The following FLRT2 variants were observed in gnomAD, a reference collection of about 807,000 sequenced individuals.
FLRT2 encodes the protein fibronectin leucine rich transmembrane protein 2.
A neutral mutation model predicts 40.0 loss-of-function variants in FLRT2; 15 were observed. The observed-to-expected ratio is 0.38, with a 90% confidence interval of 0.25 to 0.58. FLRT2 has a LOEUF of 0.58. Ranked by LOEUF, FLRT2 falls within the 20% of genes least tolerant of loss-of-function variation. The pLI is 0.71. For synonymous variants in FLRT2, 380 were observed against 336.8 expected, an observed-to-expected ratio of 1.13 and a Z score of -1.41; for missense variants, 726 against 840.0, an observed-to-expected ratio of 0.86 and a Z score of 1.68.
At chr14:85,553,374 A>G (rs1889760384) in intron 1 of FLRT2, among the ~76,000 whole-genome samples, 1 of 152,134 alleles carries the variant, frequency 6.6e-6, no homozygotes. Context: ...GGGACCATCT[A>G]AGGTAAGGGT....
rs1423680407 is a variant in FLRT2, at chr14:85,649,968, AAAGT to A, written c.*26474_*26477del. ...ATTTTAATAACACAAGAAAGTAAAGAAAGTAATACAAGGAACACTCATGTACACA... is the reference window on the plus strand; with the variant it reads ...ATTTTAATAACACAAGAAAGTAAAGAAATACAAGGAACACTCATGTACACA... On this transcript the variant is annotated 3_prime_UTR_variant, in exon 2 of 2. Coordinates refer to ENST00000330753, the MANE Select transcript of FLRT2 (RefSeq NM_013231.6). 2 of 152,028 alleles carry A rather than the reference AAAGT, an allele frequency of 1.3e-5. No homozygotes were observed. The highest frequency in any genetic ancestry group is 2.9e-5 in the Non-Finnish European group (2 of 67,950). 9.4% of individuals were successfully genotyped at this position (152,028 alleles called of 1,614,324 possible).
chr14:85,594,183 A>G (rs1191324141), intron 1 of FLRT2, among the ~76,000 whole-genome samples: 2 of 152,216 alleles, frequency 1.3e-5, no homozygotes, highest in African/African-American at 4.8e-5. Context: ...TTTTAAATTC[A>G]TTAAAATAAG....
intron 1 of FLRT2, among the ~76,000 whole-genome samples, chr14:85,617,360 C>A (rs1893182257): frequency 6.6e-6 from 1 of 152,016 alleles, no homozygotes; most frequent in African/African-American, 2.4e-5. Context: ...TTTGTTTAAC[C>A]CTGTCAACTG....
At position 85,643,376 on chromosome 14, in the gene FLRT2, T is replaced by TTCCTTCCTTCC. The variant is rs1894212711; in HGVS notation, c.*19880_*19881insCCTTCCTTCCT. On this transcript the variant is annotated 3_prime_UTR_variant, in exon 2 of 2. Coordinates refer to ENST00000330753, the MANE Select transcript of FLRT2 (RefSeq NM_013231.6). ...CTTTCTTCCTTCCTTCCTTCCTTCC[T>TTCCTTCCTTCC]TTCTTTCCTTTCTCCTTTTTCTTTT... 3 of 129,220 alleles carry TTCCTTCCTTCC rather than the reference T, an allele frequency of 2.3e-5. No homozygotes were observed. The highest frequency in any genetic ancestry group is 2.8e-4 in the South Asian group (1 of 3,622). 8.0% of individuals were successfully genotyped at this position (129,220 alleles called of 1,614,324 possible). A position where few individuals can be genotyped will look rare whatever the true frequency, so the allele number is the denominator to read the frequency against.
chr14:85,587,996 A>ATCTCAGC (rs1032691418), intron 1 of FLRT2, among the ~76,000 whole-genome samples: 5 of 151,870 alleles, frequency 3.3e-5, no homozygotes, highest in Admixed American at 2.6e-4. Flanking sequence ...CAGTGGCGCA[A>ATCTCAGC]TCTCAGCTCA....
rs1893852989 is a variant in FLRT2 at position 85,630,955 on chromosome 14, A to G, written c.*7458A>G. The G allele has an allele frequency of 6.6e-6, 1 of 151,720 alleles. No homozygotes were observed. The highest frequency in any genetic ancestry group is 1.5e-5 in the Non-Finnish European group (1 of 68,004). The allele number at this position is 151,720 out of a possible 1,614,324, so 9.4% of individuals were successfully genotyped here. The stretch of plus-strand genomic sequence containing the variant: ...AGTACGATACTGCAGTGCTTGCAAA[A>G]CATGCGTTTTTATTGCTTGCAAGAT... On this transcript the variant is annotated 3_prime_UTR_variant, in exon 2 of 2. Coordinates refer to ENST00000330753, the MANE Select transcript of FLRT2 (RefSeq NM_013231.6).
chr14:85,621,445 AT>A lies in FLRT2; in HGVS notation c.-66del. 1 of 1,429,108 alleles carries A rather than the reference AT, an allele frequency of 7.0e-7. No individual in the cohort carries two copies. The highest frequency in any genetic ancestry group is 9.4e-7 in the Non-Finnish European group (1 of 1,061,102). The allele number at this position is 1,429,108 out of a possible 1,614,324, so 88.5% of individuals were successfully genotyped here. A position where few individuals can be genotyped will look rare whatever the true frequency, so the allele number is the denominator to read the frequency against. ...AACAGAACCCCATCCAGTCATTTTG[AT>A]TTTGCTGTTTATTTTTTTTTTCTTT... is the stretch of plus-strand genomic sequence containing the variant. On this transcript the variant is annotated 5_prime_UTR_variant, in exon 2 of 2. Transcript: ENST00000330753.
At chr14:85,557,818 A>AT in intron 1 of FLRT2, among the ~76,000 whole-genome samples, 1 of 151,238 alleles carries the variant, frequency 6.6e-6, no homozygotes, top group East Asian at 2.0e-4. Context: ...CTCCATTTCA[A>AT]TAAATAAATA....
At chr14:85,549,191 C>A (rs772401165) in intron 1 of FLRT2, among the ~76,000 whole-genome samples, 1 of 152,078 alleles carries the variant, frequency 6.6e-6, no homozygotes, top group African/African-American at 2.4e-5. Flanking sequence ...GACCCAGGTA[C>A]GGGTGCAAGA....
Position 85,607,983 on chromosome 14 carries a change from C to T in FLRT2, c.-376-13156C>T, listed in dbSNP as rs73321552. On this transcript the variant is annotated intron_variant, in intron 1 of 1. Coordinates refer to ENST00000330753, the MANE Select transcript of FLRT2 (RefSeq NM_013231.6). ...CATCTTCTCTTCTCTTGGGTCCTCA[C>T]ATGGTCTTCCCTCTGTGTATGTCTG... Among the ~76,000 whole-genome samples the T allele has an allele frequency of 9.8e-3, 1,485 of 152,012 alleles. 17 individuals carry two copies. The highest frequency in any genetic ancestry group is 0.034 in the African/African-American group (1,420 of 41,284).
intron 1 of FLRT2, among the ~76,000 whole-genome samples, chr14:85,575,507 T>C (rs1891090763): frequency 6.6e-6 from 1 of 152,184 alleles, no homozygotes; most frequent in African/African-American, 2.4e-5. Context: ...ATAAAACAGT[T>C]GTCTGTGTTG....
rs1374720906 is a variant in FLRT2, at chr14:85,643,298, TCTTTC to T, written c.*19802_*19806del. On this transcript the variant is annotated 3_prime_UTR_variant, in exon 2 of 2. Transcript: ENST00000330753. Reference sequence around the variant, plus strand: ...TCAGAGGGTATTTCTTTTTTTTCTTTCTTTCTTTCTTTCTTTCTTTCTTTCTTTCT... The same window carrying T: ...TCAGAGGGTATTTCTTTTTTTTCTTTTTTCTTTCTTTCTTTCTTTCTTTCT... The T allele has an allele frequency of 6.7e-5, 6 of 89,150 alleles. No individual in the cohort carries two copies. Among genetic ancestry groups the T allele is most frequent in the African/African-American group, 2.9e-4 (5 of 17,154 alleles). The allele number at this position is 89,150 out of a possible 1,614,324, so 5.5% of individuals were successfully genotyped here.
rs1893520372 is a variant in FLRT2, at chr14:85,623,414, AT to A, written c.1902del (p.Asn635IlefsTer39). On this transcript the variant is annotated frameshift_variant, in exon 2 of 2. Transcript: ENST00000330753. LOFTEE classifies it high-confidence loss of function. ...LQPIYTPNGG[I>X]NYTDCHIPNN... ...GCCCATTTACACCCCAAATGGGGGC[AT>A]TAATTACACAGACTGCCATATCCCC... 6.6e-7 allele frequency: 1 copy of A among 1,505,338 alleles called. No homozygotes were observed. Among genetic ancestry groups the A allele is most frequent in the Non-Finnish European group, 8.8e-7 (1 of 1,130,000 alleles). The allele number at this position is 1,505,338 out of a possible 1,614,324, so 93.2% of individuals were successfully genotyped here.
At chr14:85,559,053 G>A (rs1890150464) in intron 1 of FLRT2, among the ~76,000 whole-genome samples, 2 of 152,176 alleles carry the variant, frequency 1.3e-5, no homozygotes, top group African/African-American at 4.8e-5. Context: ...TGTACACATA[G>A]ATAGGTGCAC....
At chr14:85,543,527 T>TAA (rs35979389) in intron 1 of FLRT2, among the ~76,000 whole-genome samples, 1,634 of 146,668 alleles carry the variant, frequency 0.011, 28 homozygotes, top group African/African-American at 0.039. Flanking sequence ...ATTAATTTTC[T>TAA]AAAAAAAAAA....
At position 85,649,086 on chromosome 14, in the gene FLRT2, C is replaced by T. The variant is rs1026249873; in HGVS notation, c.*25589C>T. On this transcript the variant is annotated 3_prime_UTR_variant, in exon 2 of 2. Transcript: ENST00000330753. ...TTACCCCAATATAATTTAAGATTGA[C>T]AGGGAGAGCATCAGTATTCTGCAGT... is the stretch of plus-strand genomic sequence containing the variant. The T allele has an allele frequency of 6.6e-6, 1 of 152,028 alleles. No homozygotes were observed. Among genetic ancestry groups the T allele is most frequent in the Non-Finnish European group, 1.5e-5 (1 of 67,998 alleles). The allele number at this position is 152,028 out of a possible 1,614,324, so 9.4% of individuals were successfully genotyped here. A position where few individuals can be genotyped will look rare whatever the true frequency, so the allele number is the denominator to read the frequency against.
At chr14:85,559,411 A>C (rs989099662) in intron 1 of FLRT2, 9 of 152,228 alleles carry the variant, frequency 5.9e-5, no homozygotes, top group African/African-American at 1.7e-4. Context: ...GGAATACTGG[A>C]TGCAGTAAGT....
At position 85,649,985 on chromosome 14, in the gene FLRT2, ACT is replaced by A. The variant is rs1216765313; in HGVS notation, c.*26490_*26491del. ...AAGTAAAGAAAGTAATACAAGGAAC[ACT>A]CATGTACACATCAACCAGCTTTGTC... is the stretch of plus-strand genomic sequence containing the variant. On this transcript the variant is annotated 3_prime_UTR_variant, in exon 2 of 2. Coordinates refer to ENST00000330753, the MANE Select transcript of FLRT2 (RefSeq NM_013231.6). 6.6e-6 allele frequency: 1 copy of A among 152,012 alleles called. No individual in the cohort carries two copies. Among genetic ancestry groups the A allele is most frequent in the Non-Finnish European group, 1.5e-5 (1 of 67,940 alleles). 9.4% of individuals were successfully genotyped at this position (152,012 alleles called of 1,614,324 possible).
At chr14:85,531,145 T>C (rs1888243779) in intron 1 of FLRT2, 1 of 152,342 alleles carries the variant, frequency 6.6e-6, no homozygotes, top group South Asian at 2.1e-4. Context: ...GGCACTGAGC[T>C]GGGGCCATCA....
Sources: allele counts gnomAD v4.1 joint callset (sites outside exome capture counted in the v4.1 genomes callset), GRCh38; gene constraint gnomAD v4.1.1; transcripts MANE v1.5; gene names NCBI Gene and HGNC (gene_info 2026-07-23, HGNC 2026-07-21).